The following C10orf90 variants were observed in gnomAD, a reference collection of about 807,000 sequenced individuals.
C10orf90 encodes chromosome 10 open reading frame 90.
A neutral mutation model predicts 62.5 loss-of-function variants in C10orf90; 56 were observed. The observed-to-expected ratio is 0.90, with a 90% CI of 0.72 to 1.12. C10orf90 has a LOEUF of 1.12. Ranked by LOEUF, C10orf90 falls within the 50% of genes most tolerant of loss-of-function variation. The probability of loss-of-function intolerance (pLI) is 0.00; values close to 1 mark genes in which losing one functional copy is unlikely to be tolerated. For synonymous variants in C10orf90, 386 were observed against 340.4 expected (o/e 1.13, Z -1.47); for missense variants, 970 against 880.4 (o/e 1.10, Z -1.29).
At chr10:126,663,555 CT>C (rs1414138961) in intron 1 of C10orf90, among the ~76,000 whole-genome samples, 2 of 152,186 alleles carry the variant, frequency 1.3e-5, no homozygotes, top group Non-Finnish European at 2.9e-5. Context: ...ACACCCGCCT[CT>C]TTTGTTCCAT....
At chr10:126,465,951 C>T (rs1860258899) in intron 4 of C10orf90, among the ~76,000 whole-genome samples, 1 of 152,182 alleles carries the variant, frequency 6.6e-6, no homozygotes, top group Admixed American at 6.5e-5. Context: ...ATGTGGGAGA[C>T]TGTTGTCTCA....
chr10:126,662,349 A>G (rs1364452514), intron 1 of C10orf90, among the ~76,000 whole-genome samples: 1 of 152,168 alleles, frequency 6.6e-6, no homozygotes, highest in African/African-American at 2.4e-5. Flanking sequence ...AGAAAGGCTC[A>G]TCTCACAGCT....
chr10:126,560,406 C>T (rs775071208), intron 2 of C10orf90, among the ~76,000 whole-genome samples: 4 of 152,152 alleles, frequency 2.6e-5, no homozygotes, highest in African/African-American at 4.8e-5. Context: ...AAGCTGCCGA[C>T]GCGCACGGTG....
intron 1 of C10orf90, among the ~76,000 whole-genome samples, chr10:126,647,009 A>G (rs1012942889): frequency 2.6e-5 from 4 of 152,198 alleles, no homozygotes; most frequent in African/African-American, 7.2e-5. Context: ...TAGACATTCA[A>G]TAAATATTGA....
At chr10:126,582,661 A>T (rs1487812856) in intron 2 of C10orf90, among the ~76,000 whole-genome samples, 1 of 151,926 alleles carries the variant, frequency 6.6e-6, no homozygotes, top group African/African-American at 2.4e-5. Flanking sequence ...ATGGATGAGG[A>T]GATATGCATC....
intron 2 of C10orf90, among the ~76,000 whole-genome samples, chr10:126,529,800 G>A (rs929896409): frequency 6.6e-6 from 1 of 152,236 alleles, no homozygotes; most frequent in East Asian, 1.9e-4. Flanking sequence ...AGAGTAACCT[G>A]GTCAACAGAA....
intron 2 of C10orf90, among the ~76,000 whole-genome samples, chr10:126,611,532 A>G (rs1220012004): frequency 6.6e-6 from 1 of 152,214 alleles, no homozygotes; most frequent in Admixed American, 6.5e-5. Context: ...TCATATGGTA[A>G]TTCTACATTT....
chr10:126,490,014 T>TATATA lies in C10orf90; in HGVS notation c.1534+13938_1534+13942dup, dbSNP rs1861649353. Among the ~76,000 whole-genome samples the TATATA allele has an allele frequency of 1.5e-4, 14 of 92,532 alleles. No individual in the cohort carries two copies. In the South Asian group the frequency reaches 2.2e-3, roughly 14 times the overall value. The allele number at this position is 92,532 out of a possible 152,430, so 60.7% of individuals were successfully genotyped here. ...AATATATATTATATATTATATATAT[T>TATATA]ATATATAATATATAATATATAATAT... is the stretch of plus-strand genomic sequence containing the variant. On this transcript the variant is annotated intron_variant, in intron 4 of 9. Transcript: ENST00000488181.
intron 2 of C10orf90, among the ~76,000 whole-genome samples, chr10:126,591,344 G>A (rs947708262): frequency 1.3e-5 from 2 of 152,008 alleles, no homozygotes; most frequent in Admixed American, 6.6e-5. Flanking sequence ...AAAGCTTATC[G>A]ACCATAATCA....
intron 2 of C10orf90, among the ~76,000 whole-genome samples, chr10:126,534,763 T>C (rs754397751): frequency 2.0e-5 from 3 of 152,132 alleles, no homozygotes; most frequent in Non-Finnish European, 2.9e-5. Flanking sequence ...CCTCAGCAAA[T>C]TGAAGGAATG....
At chr10:126,470,076 T>A (rs1012636521) in intron 4 of C10orf90, 5 of 454,454 alleles carry the variant, frequency 1.1e-5, no homozygotes, top group African/African-American at 8.0e-5. Context: ...TTCTTCTGCA[T>A]GTTGCATACT....
Position 126,558,040 on chromosome 10 carries a change from T to C in C10orf90, c.314-44101A>G, listed in dbSNP as rs565511451. On this transcript the variant is annotated intron_variant, in intron 2 of 9. Coordinates refer to ENST00000488181, the MANE Select transcript of C10orf90 (RefSeq NM_001350921.2). ...CTAACGCCCCTCAGACTCTGCAGTA[T>C]CCTCTTCACTCTCCAGGCCTCACAG... Among the ~76,000 whole-genome samples the C allele has an allele frequency of 5.0e-4, 76 of 152,218 alleles. 2 individuals carry two copies. Among genetic ancestry groups the C allele is most frequent in the African/African-American group, 1.4e-3 (60 of 41,538 alleles).
chr10:126,445,470 C>T (rs914292601), intron 7 of C10orf90, among the ~76,000 whole-genome samples: 1 of 152,142 alleles, frequency 6.6e-6, no homozygotes, highest in African/African-American at 2.4e-5. Flanking sequence ...TGTGATACCA[C>T]CTTACTTCTG....
At chr10:126,510,810 G>C (rs1863062703) in intron 3 of C10orf90, among the ~76,000 whole-genome samples, 1 of 152,228 alleles carries the variant, frequency 6.6e-6, no homozygotes, top group Admixed American at 6.5e-5. Flanking sequence ...GTATTTCTAA[G>C]AAGGGCATAA....
intron 5 of C10orf90, among the ~76,000 whole-genome samples, 158 bp from the exon 6 acceptor site, chr10:126,461,743 GC>G (rs939204947): frequency 6.6e-6 from 1 of 152,160 alleles, no homozygotes; most frequent in African/African-American, 2.4e-5. Flanking sequence ...TCATCACAGA[GC>G]CCCCGGCCGC....
intron 4 of C10orf90, among the ~76,000 whole-genome samples, chr10:126,497,239 A>C (rs1006917615): frequency 6.6e-6 from 1 of 152,214 alleles, no homozygotes. Flanking sequence ...GTTGAATTGC[A>C]GTGGGCACCT....
At chr10:126,664,873 C>T (rs1016819218) in intron 1 of C10orf90, among the ~76,000 whole-genome samples, 1 of 152,208 alleles carries the variant, frequency 6.6e-6, no homozygotes, top group Non-Finnish European at 1.5e-5. Flanking sequence ...CTCTGACAGG[C>T]AGCTCCAGTT....
intron 2 of C10orf90, among the ~76,000 whole-genome samples, chr10:126,625,690 G>C (rs1279784651): frequency 6.6e-6 from 1 of 152,188 alleles, no homozygotes; most frequent in African/African-American, 2.4e-5. Flanking sequence ...AAGTGAATAG[G>C]TGGGAACATG....
At chr10:126,645,607 A>C (rs1591171094) in intron 2 of C10orf90, among the ~76,000 whole-genome samples, 1 of 151,248 alleles carries the variant, frequency 6.6e-6, no homozygotes, top group Admixed American at 6.6e-5. Flanking sequence ...AAAAAAAAAA[A>C]GAACAAGCTG....
Sources: allele counts gnomAD v4.1 joint callset (sites outside exome capture counted in the v4.1 genomes callset), GRCh38; gene constraint gnomAD v4.1.1; transcripts MANE v1.5; gene names NCBI Gene and HGNC (gene_info 2026-07-23, HGNC 2026-07-21).